Variants in CTNNA2 observed in about 807,000 individuals in gnomAD.
The protein encoded by CTNNA2 is catenin alpha-2.
A neutral mutation model predicts 101.0 loss-of-function variants in CTNNA2; 42 were observed. The ratio of observed to expected loss-of-function variants is 0.42; its 90% confidence interval spans 0.32 to 0.54. The LOEUF (loss-of-function observed/expected upper bound fraction) is 0.54, where lower values mean the gene tolerates loss of function less well. Ranked by LOEUF, CTNNA2 falls within the 20% of genes least tolerant of loss-of-function variation. The pLI is 0.14. For synonymous variants in CTNNA2, 450 were observed against 456.4 expected (o/e 0.99, Z 0.18); for missense variants, 871 against 1,223.1 (o/e 0.71, Z 4.29).
intron 7 of CTNNA2, among the ~76,000 whole-genome samples, chr2:80,002,800 A>G (rs1235460596): frequency 6.6e-6 from 1 of 152,158 alleles, no homozygotes; most frequent in Non-Finnish European, 1.5e-5. Context: ...CATCACTGAT[A>G]TACTTCTGCC....
chr2:80,145,160 C>A (rs1703257250), intron 7 of CTNNA2, among the ~76,000 whole-genome samples: 1 of 152,128 alleles, frequency 6.6e-6, no homozygotes, highest in Non-Finnish European at 1.5e-5. Context: ...TAGTTACTAG[C>A]CTATGTGCCC....
At chr2:80,486,525 A>G (rs999999438) in intron 9 of CTNNA2, among the ~76,000 whole-genome samples, 1 of 152,212 alleles carries the variant, frequency 6.6e-6, no homozygotes, top group African/African-American at 2.4e-5. Flanking sequence ...AAAATGAGAG[A>G]AGGCTCACTG....
chr2:79,758,491 T>C (rs1672548458), intron 3 of CTNNA2, among the ~76,000 whole-genome samples: 1 of 152,206 alleles, frequency 6.6e-6, no homozygotes, highest in Non-Finnish European at 1.5e-5. Flanking sequence ...ACAGGTTTGT[T>C]ACCTGGTTAT....
intron 1 of CTNNA2, among the ~76,000 whole-genome samples, chr2:79,515,122 T>C (rs1671739952): frequency 6.6e-6 from 1 of 152,168 alleles, no homozygotes; most frequent in Admixed American, 6.5e-5. Context: ...ATTCCATTAA[T>C]GGCTTGGCTG....
At chr2:79,203,384 A>G (rs561055196) in intron 2 of CTNNA2, among the ~76,000 whole-genome samples, 19 of 152,344 alleles carry the variant, frequency 1.2e-4, no homozygotes, top group Admixed American at 8.5e-4. Context: ...TAAAGGAACT[A>G]GTTCAAAGTA....
rs545424140 is a variant in CTNNA2 at position 79,729,542 on chromosome 2, T to C, written c.103-14845T>C. Among the ~76,000 whole-genome samples the C allele has an allele frequency of 4.6e-5, 7 of 152,282 alleles. 1 individual carries two copies. Among genetic ancestry groups the C allele is most frequent in the Admixed American group, 2.6e-4 (4 of 15,276 alleles). ...AGGGCCCATTCTGCAATTTCAGAAA[T>C]GCTAATACCAGTTTTAAAAAGAAAT... On this transcript the variant is annotated intron_variant, in intron 2 of 18. Transcript: ENST00000402739.
intron 3 of CTNNA2, among the ~76,000 whole-genome samples, chr2:79,340,629 A>G (rs111276841): frequency 0.011 from 1,623 of 152,046 alleles, 35 homozygotes; most frequent in African/African-American, 0.037. Flanking sequence ...GTCAGGAGAT[A>G]GAGACCGTCC....
chr2:79,820,212 T>C (rs1274360957), intron 3 of CTNNA2, among the ~76,000 whole-genome samples: 2 of 152,234 alleles, frequency 1.3e-5, no homozygotes, highest in East Asian at 3.8e-4. Flanking sequence ...ATGGCCGTTT[T>C]ATTGTATTCT....
At chr2:79,412,008 A>G (rs1223496443) in intron 4 of CTNNA2, among the ~76,000 whole-genome samples, 2 of 152,056 alleles carry the variant, frequency 1.3e-5, no homozygotes, top group African/African-American at 4.8e-5. Context: ...CCCATCTCAC[A>G]TGCAAGACAC....
At chr2:80,245,794 CTTTTTTTTTTTTTT>C (rs34625586) in intron 7 of CTNNA2, among the ~76,000 whole-genome samples, 3 of 58,954 alleles carry the variant, frequency 5.1e-5, no homozygotes, top group African/African-American at 2.4e-4. Context: ...TATGATTTAA[CTTTTTTTTTTTTTT>C]TTTTTTTTTT....
intron 4 of CTNNA2, among the ~76,000 whole-genome samples, chr2:79,479,557 A>G (rs911890711): frequency 6.6e-6 from 1 of 152,200 alleles, no homozygotes; most frequent in African/African-American, 2.4e-5. Flanking sequence ...TCTCTAGACA[A>G]TGCTGGGTTA....
chr2:80,038,920 A>G (rs1007459970), intron 7 of CTNNA2, among the ~76,000 whole-genome samples: 1 of 152,192 alleles, frequency 6.6e-6, no homozygotes, highest in African/African-American at 2.4e-5. Context: ...CATGGACCCC[A>G]AAGTCTCTGT....
intron 7 of CTNNA2, among the ~76,000 whole-genome samples, chr2:80,005,368 G>C (rs572370859): frequency 6.6e-6 from 1 of 152,122 alleles, no homozygotes; most frequent in African/African-American, 2.4e-5. Flanking sequence ...CAAGAATGAG[G>C]CTTTCAAATC....
At chr2:80,322,893 C>G (rs1422772352) in intron 7 of CTNNA2, among the ~76,000 whole-genome samples, 1 of 152,246 alleles carries the variant, frequency 6.6e-6, no homozygotes, top group Non-Finnish European at 1.5e-5. Context: ...GAGAACGCCG[C>G]CTTCCCATGC....
At chr2:79,571,193 G>A (rs993157654) in intron 1 of CTNNA2, among the ~76,000 whole-genome samples, 3 of 152,056 alleles carry the variant, frequency 2.0e-5, no homozygotes, top group African/African-American at 7.2e-5. Flanking sequence ...AAATGGGCCT[G>A]TTTTCCATTT....
chr2:80,619,286 C>T, intron 18 of CTNNA2, 58 bp downstream of exon 18: 1 of 1,391,878 alleles, frequency 7.2e-7, no homozygotes, highest in Non-Finnish European at 9.4e-7. Flanking sequence ...ATTCTGAAGG[C>T]AGGGGGGATT....
chr2:80,401,203 A>G (rs759130801), intron 8 of CTNNA2, among the ~76,000 whole-genome samples: 25 of 152,154 alleles, frequency 1.6e-4, no homozygotes, highest in Non-Finnish European at 2.6e-4. Context: ...TTCTTCAGGT[A>G]ATATCCTAGT....
chr2:79,341,146 A>G (rs1431788510), intron 3 of CTNNA2, among the ~76,000 whole-genome samples: 2 of 152,186 alleles, frequency 1.3e-5, no homozygotes, highest in Non-Finnish European at 2.9e-5. Context: ...TGAGTGAGTT[A>G]GGAACCCAAC....
At chr2:80,596,488 G>GT (rs1444649447) in intron 15 of CTNNA2, among the ~76,000 whole-genome samples, 1 of 150,028 alleles carries the variant, frequency 6.7e-6, no homozygotes, top group Non-Finnish European at 1.5e-5. Context: ...TTTTTTGTGT[G>GT]TTTTTAGTAG....
Sources: allele counts gnomAD v4.1 joint callset (sites outside exome capture counted in the v4.1 genomes callset), GRCh38; gene constraint gnomAD v4.1.1; transcripts MANE v1.5; gene names NCBI Gene and HGNC (gene_info 2026-07-23, HGNC 2026-07-21).